Variants in FAM184A observed in about 807,000 individuals in gnomAD.
The protein encoded by FAM184A is family with sequence similarity 184 member A.
FAM184A carries 99 observed loss-of-function variants against 143.8 expected under a neutral mutation model. The ratio of observed to expected loss-of-function variants is 0.69; its 90% CI spans 0.58 to 0.81. FAM184A has a LOEUF of 0.81. Among genes scored for constraint, FAM184A ranks in the 40% least tolerant of loss-of-function variants. The probability of loss-of-function intolerance (pLI) is 0.00; values close to 1 mark genes in which losing one functional copy is unlikely to be tolerated. For missense variants in FAM184A, 1,217 were observed against 1,310.5 expected, an observed-to-expected ratio of 0.93 and a Z score of 1.10; for synonymous variants, 427 against 446.4, an observed-to-expected ratio of 0.96 and a Z score of 0.55.
In FAM184A at chr6:119,008,533, T is replaced by G. The variant is rs569187949; in HGVS notation, c.1654-1925A>C. ...CACAATTTCAGTTCTGAATCTAGTC[T>G]TGCCTGATGCTAACATTATCCTTGG... On this transcript the variant is annotated intron_variant, in intron 6 of 17. Coordinates refer to ENST00000338891, the MANE Select transcript of FAM184A (RefSeq NM_024581.6). Among the ~76,000 whole-genome samples the G allele has an allele frequency of 3.9e-5, 6 of 152,344 alleles. No individual in the cohort carries two copies. The South Asian group carries it at 1.2e-3, about 32-fold the overall frequency.
chr6:119,057,565 C>T (rs1400033642), intron 1 of FAM184A, among the ~76,000 whole-genome samples: 1 of 151,864 alleles, frequency 6.6e-6, no homozygotes, highest in Non-Finnish European at 1.5e-5. Flanking sequence ...GTAGTGAGAC[C>T]CCCAACTGTA....
intron 1 of FAM184A, among the ~76,000 whole-genome samples, chr6:119,048,472 T>C (rs936232619): frequency 6.6e-6 from 1 of 152,146 alleles, no homozygotes. Context: ...ATTCTATATA[T>C]AGAAAACCCC....
At chr6:119,127,626 C>T (rs1398169627) in intron 1 of FAM184A, among the ~76,000 whole-genome samples, 5 of 152,202 alleles carry the variant, frequency 3.3e-5, no homozygotes, top group Admixed American at 6.5e-5. Flanking sequence ...CTGAGAGAAC[C>T]GAATGGATCA....
At chr6:119,058,173 CTCTTTTTTTTT>C (rs1582566187) in intron 1 of FAM184A, among the ~76,000 whole-genome samples, 1 of 134,360 alleles carries the variant, frequency 7.4e-6, no homozygotes, top group East Asian at 2.1e-4. Flanking sequence ...TTCTCCTTCT[CTCTTTTTTTTT>C]TTTTTTTTTT....
At chr6:119,145,944 A>G (rs1039742807) in intron 1 of FAM184A, among the ~76,000 whole-genome samples, 4 of 152,212 alleles carry the variant, frequency 2.6e-5, no homozygotes, top group African/African-American at 9.6e-5. Context: ...TACAGCTAGA[A>G]GTTGAACCGA....
intron 3 of FAM184A, among the ~76,000 whole-genome samples, chr6:119,022,053 C>CTTTTTTTT (rs34128659): frequency 6.0e-3 from 510 of 84,364 alleles, no homozygotes; most frequent in Non-Finnish European, 7.3e-3. Context: ...TTCGTTCTTT[C>CTTTTTTTT]TTTTTTTTTT....
chr6:119,014,392 A>G (rs576907575), intron 5 of FAM184A, among the ~76,000 whole-genome samples: 1 of 152,376 alleles, frequency 6.6e-6, no homozygotes, highest in South Asian at 2.1e-4. Context: ...AGCTCAGTGT[A>G]AGGCCAAGGT....
chr6:119,124,622 A>G (rs1789308355), intron 1 of FAM184A, among the ~76,000 whole-genome samples: 3 of 152,184 alleles, frequency 2.0e-5, no homozygotes, highest in Non-Finnish European at 4.4e-5. Flanking sequence ...TCTAAATGAT[A>G]ATGGGTATAA....
intron 9 of FAM184A, among the ~76,000 whole-genome samples, chr6:118,982,507 C>A (rs1368390979): frequency 6.6e-6 from 1 of 152,272 alleles, no homozygotes; most frequent in Admixed American, 6.5e-5. Flanking sequence ...GTCTACCCAG[C>A]ATTCTGCTCA....
intron 1 of FAM184A, among the ~76,000 whole-genome samples, chr6:119,086,814 A>G (rs56347939): frequency 0.13 from 19,067 of 152,152 alleles, 1,669 homozygotes; most frequent in African/African-American, 0.23. Context: ...TTATGGGACA[A>G]CTCTATAAAC....
At chr6:119,077,763 C>T (rs936686227) in intron 1 of FAM184A, among the ~76,000 whole-genome samples, 1 of 152,214 alleles carries the variant, frequency 6.6e-6, no homozygotes, top group African/African-American at 2.4e-5. Context: ...TAGGTAAATA[C>T]GGTACTGTAC....
intron 1 of FAM184A, among the ~76,000 whole-genome samples, chr6:119,044,476 G>C (rs371749462): frequency 4.0e-5 from 6 of 151,848 alleles, no homozygotes; most frequent in Admixed American, 6.6e-5. Flanking sequence ...CTAGTTACTC[G>C]GCAGGCTGAG....
At chr6:118,965,043 G>A (rs1407723494) in intron 15 of FAM184A, among the ~76,000 whole-genome samples, 3 of 152,154 alleles carry the variant, frequency 2.0e-5, no homozygotes, top group Non-Finnish European at 4.4e-5. Context: ...CTGTTTCACA[G>A]GGCTGACTAT....
intron 1 of FAM184A, among the ~76,000 whole-genome samples, chr6:119,146,432 G>A (rs1772435201): frequency 6.6e-6 from 1 of 151,372 alleles, no homozygotes; most frequent in Non-Finnish European, 1.5e-5. Flanking sequence ...GTGTGTGTGT[G>A]TGTGTGTGTT....
intron 1 of FAM184A, among the ~76,000 whole-genome samples, chr6:119,025,127 C>T (rs1785584021): frequency 6.6e-6 from 1 of 152,036 alleles, no homozygotes; most frequent in Non-Finnish European, 1.5e-5. Context: ...GGCAATTGGC[C>T]TAAGAGAAAG....
chr6:118,962,148 T>A, intron 16 of FAM184A, 185 bp from the exon 17 acceptor site: 1 of 600,866 alleles, frequency 1.7e-6, no homozygotes, highest in Non-Finnish European at 2.9e-6. Flanking sequence ...TTTATCTACA[T>A]GGAATCCTCA....
chr6:119,024,647 T>C lies in FAM184A; in HGVS notation c.326A>G (p.Gln109Arg), dbSNP rs1785568302. Residue 109 changes from glutamine (Q) to arginine (R), a missense_variant, in exon 2 of 18, where the codon CAA becomes CGA. Transcript: ENST00000338891. The part of the protein sequence containing the change: ...TEELDLRRKI[Q>R]VLESSLEDHI... The stretch of plus-strand genomic sequence containing the variant: ...ATCTTCTAATGATGATTCTAAAACT[T>C]GAATCTTTCTTCTAAGGTCTAGCTC... 1 of 1,614,096 alleles carries C rather than the reference T, an allele frequency of 6.2e-7. No homozygotes were observed. Among genetic ancestry groups the C allele is most frequent in the Non-Finnish European group, 8.5e-7 (1 of 1,179,992 alleles).
chr6:119,102,944 CCTT>C (rs1788684335), intron 1 of FAM184A, among the ~76,000 whole-genome samples: 1 of 152,040 alleles, frequency 6.6e-6, no homozygotes, highest in African/African-American at 2.4e-5. Context: ...ATGTCTACTC[CCTT>C]CTTATTCTTT....
At chr6:119,023,488 A>G (rs1427936182) in intron 2 of FAM184A, among the ~76,000 whole-genome samples, 3 of 152,070 alleles carry the variant, frequency 2.0e-5, no homozygotes, top group Admixed American at 1.3e-4. Context: ...AAAGGAAAAG[A>G]AAAAAATGTA....
Sources: allele counts gnomAD v4.1 joint callset (sites outside exome capture counted in the v4.1 genomes callset), GRCh38; gene constraint gnomAD v4.1.1; transcripts MANE v1.5; gene names NCBI Gene and HGNC (gene_info 2026-07-23, HGNC 2026-07-21).